Variants in CMTM8 observed in about 807,000 individuals in gnomAD.
The protein encoded by CMTM8 is CKLF like MARVEL transmembrane domain containing 8, also known as CKLF-like MARVEL transmembrane domain-containing protein 8.
Under a neutral mutation model 18.6 loss-of-function variants are expected in CMTM8, and 12 were observed. That is an observed-to-expected ratio of 0.65 (90% CI 0.41 to 1.05). The LOEUF (loss-of-function observed/expected upper bound fraction) is 1.05, where lower values mean the gene tolerates loss of function less well. CMTM8 is among the 50% of genes least tolerant of loss of function. The pLI, the probability that CMTM8 is intolerant of heterozygous loss-of-function variation, is 0.00. For missense variants in CMTM8, 217 were observed against 227.2 expected, an observed-to-expected ratio of 0.95 and a Z score of 0.29; for synonymous variants, 87 against 90.6, an observed-to-expected ratio of 0.96 and a Z score of 0.23.
At chr3:32,249,438 A>G (rs1575144993) in intron 1 of CMTM8, among the ~76,000 whole-genome samples, 1 of 107,882 alleles carries the variant, frequency 9.3e-6, no homozygotes, top group Admixed American at 8.8e-5. Context: ...TCAAAAAATG[A>G]AAAAAAAAAA....
At chr3:32,322,952 G>A (rs970461103) in intron 1 of CMTM8, among the ~76,000 whole-genome samples, 3 of 152,148 alleles carry the variant, frequency 2.0e-5, no homozygotes, top group Admixed American at 1.3e-4. Context: ...CTTGGGCGGG[G>A]TGGGACCTCA....
intron 1 of CMTM8, among the ~76,000 whole-genome samples, chr3:32,332,781 T>C (rs1696305940): frequency 6.6e-6 from 1 of 152,170 alleles, no homozygotes; most frequent in South Asian, 2.1e-4. Context: ...TCTGTTGGAC[T>C]TGGGAAAAGA....
chr3:32,285,556 G>A (rs1184646202), intron 1 of CMTM8, among the ~76,000 whole-genome samples: 2 of 151,536 alleles, frequency 1.3e-5, no homozygotes, highest in African/African-American at 4.9e-5. Flanking sequence ...AGTAGTACAC[G>A]TAAAAATGGG....
At chr3:32,262,739 T>G (rs2125538352) in intron 1 of CMTM8, among the ~76,000 whole-genome samples, 1 of 152,336 alleles carries the variant, frequency 6.6e-6, no homozygotes, top group East Asian at 1.9e-4. Context: ...GAGGAAAATA[T>G]TAGCTTATTT....
chr3:32,314,373 A>G (rs12629727), intron 1 of CMTM8, among the ~76,000 whole-genome samples: 12,465 of 151,988 alleles, frequency 0.082, 821 homozygotes, highest in East Asian at 0.27. Context: ...AAATTGAGGG[A>G]GGGTTGATGC....
intron 2 of CMTM8, among the ~76,000 whole-genome samples, chr3:32,361,290 T>TTTTTTTGTTTTTTTG (rs1445278422): frequency 5.7e-5 from 4 of 70,052 alleles, no homozygotes; most frequent in Non-Finnish European, 1.4e-4. Context: ...CTAAGAGTTT[T>TTTTTTTGTTTTTTTG]TTTTTCTTTC....
chr3:32,245,785 GA>G (rs887001297), intron 1 of CMTM8, among the ~76,000 whole-genome samples: 6 of 152,044 alleles, frequency 3.9e-5, no homozygotes, highest in Non-Finnish European at 7.4e-5. Flanking sequence ...GACATTTGTA[GA>G]AAAAACTTTT....
intron 1 of CMTM8, among the ~76,000 whole-genome samples, chr3:32,319,554 G>A (rs2125576274): frequency 6.6e-6 from 1 of 151,910 alleles, no homozygotes; most frequent in Middle Eastern, 3.4e-3. Context: ...CTTCACTTCT[G>A]TCACTTCACC....
At chr3:32,330,197 A>ATTTTTTTT (rs57467295) in intron 1 of CMTM8, among the ~76,000 whole-genome samples, 1 of 125,164 alleles carries the variant, frequency 8.0e-6, no homozygotes, top group African/African-American at 3.0e-5. Flanking sequence ...TCCCAGTGGC[A>ATTTTTTTT]TTTTTTTTTT....
At chr3:32,255,902 AT>A (rs1340853088) in intron 1 of CMTM8, among the ~76,000 whole-genome samples, 2 of 151,494 alleles carry the variant, frequency 1.3e-5, no homozygotes, top group Non-Finnish European at 2.9e-5. Flanking sequence ...ATTTTTTTGT[AT>A]TTTTTGTAGA....
At chr3:32,309,986 G>T (rs1422717832) in intron 1 of CMTM8, among the ~76,000 whole-genome samples, 1 of 152,166 alleles carries the variant, frequency 6.6e-6, no homozygotes, top group Admixed American at 6.5e-5. Context: ...GACCATTTGA[G>T]GTTCTCACAG....
intron 1 of CMTM8, among the ~76,000 whole-genome samples, chr3:32,326,516 T>C (rs1436790006): frequency 2.3e-5 from 1 of 42,866 alleles, no homozygotes; most frequent in Admixed American, 3.2e-4. Flanking sequence ...TCTTTCTTTC[T>C]TTTTTTTTTT....
chr3:32,320,164 A>G (rs1696015418), intron 1 of CMTM8, among the ~76,000 whole-genome samples: 1 of 152,244 alleles, frequency 6.6e-6, no homozygotes, highest in Non-Finnish European at 1.5e-5. Context: ...TGCTCACACA[A>G]AAACTGTACA....
chr3:32,351,756 G>A (rs76694300), intron 1 of CMTM8, among the ~76,000 whole-genome samples: 12,162 of 151,286 alleles, frequency 0.08, 575 homozygotes, highest in East Asian at 0.18. Flanking sequence ...ATAGACAAAA[G>A]ACTCTATGAC....
At chr3:32,307,412 A>G (rs898836443) in intron 1 of CMTM8, among the ~76,000 whole-genome samples, 2 of 152,074 alleles carry the variant, frequency 1.3e-5, no homozygotes, top group African/African-American at 4.8e-5. Context: ...GGAGTCTAGG[A>G]TGACTTCCTG....
At chr3:32,280,011 C>T (rs1702582038) in intron 1 of CMTM8, among the ~76,000 whole-genome samples, 1 of 151,116 alleles carries the variant, frequency 6.6e-6, no homozygotes, top group Non-Finnish European at 1.5e-5. Context: ...TAATGGGAGA[C>T]TTTAACACCC....
At chr3:32,324,402 CT>C (rs1696117723) in intron 1 of CMTM8, among the ~76,000 whole-genome samples, 1 of 152,136 alleles carries the variant, frequency 6.6e-6, no homozygotes, top group Non-Finnish European at 1.5e-5. Flanking sequence ...AGAATGCAGA[CT>C]TGTTATCAAT....
intron 1 of CMTM8, among the ~76,000 whole-genome samples, chr3:32,340,820 T>C (rs1275439667): frequency 6.6e-6 from 1 of 152,244 alleles, no homozygotes; most frequent in African/African-American, 2.4e-5. Flanking sequence ...TGTGTTTGTC[T>C]CTTGCACTAG....
intron 3 of CMTM8, among the ~76,000 whole-genome samples, chr3:32,369,044 C>T (rs1695586515): frequency 6.6e-6 from 1 of 152,238 alleles, no homozygotes; most frequent in East Asian, 1.9e-4. Flanking sequence ...CACAGTGGCA[C>T]ATGCCTGTAA....
Sources: gnomAD v4.1 joint callset for allele counts (sites outside exome capture counted in the v4.1 genomes callset) on GRCh38, gnomAD v4.1.1 for gene constraint, MANE v1.5 for transcripts, NCBI Gene and HGNC (gene_info 2026-07-23, HGNC 2026-07-21) for gene names.